The following CADPS variants were observed in gnomAD, a reference collection of about 807,000 sequenced individuals.
CADPS encodes calcium dependent secretion activator.
A neutral mutation model predicts 167.3 loss-of-function variants in CADPS; 57 were observed. The observed-to-expected ratio is 0.34, with a 90% CI of 0.28 to 0.42. CADPS has a LOEUF of 0.42. Ranked by LOEUF, CADPS falls within the 20% of genes least tolerant of loss-of-function variation. The pLI is 1.00. For synonymous variants in CADPS, 676 were observed against 635.3 expected (o/e 1.06, Z -0.96); for missense variants, 1,414 against 1,738.1 (o/e 0.81, Z 3.32).
intron 13 of CADPS, among the ~76,000 whole-genome samples, chr3:62,526,520 C>T (rs2072271222): frequency 6.6e-6 from 1 of 152,096 alleles, no homozygotes; most frequent in Non-Finnish European, 1.5e-5. Context: ...TGTTTGATTG[C>T]CTTGTCACTG....
chr3:62,835,723 C>T (rs965768345), intron 1 of CADPS, among the ~76,000 whole-genome samples: 6 of 152,158 alleles, frequency 3.9e-5, no homozygotes, highest in African/African-American at 1.4e-4. Flanking sequence ...AGACATTCTC[C>T]TGTATACTGT....
intron 1 of CADPS, among the ~76,000 whole-genome samples, chr3:62,816,591 A>ACC: frequency 6.6e-6 from 1 of 151,822 alleles, no homozygotes; most frequent in East Asian, 1.9e-4. Flanking sequence ...ATATCTATGT[A>ACC]TATATTTAAA....
chr3:62,519,990 A>G (rs972990995), intron 13 of CADPS, among the ~76,000 whole-genome samples: 1 of 152,186 alleles, frequency 6.6e-6, no homozygotes, highest in African/African-American at 2.4e-5. Flanking sequence ...ACATTTGTTT[A>G]TGTAATCAGC....
intron 13 of CADPS, among the ~76,000 whole-genome samples, chr3:62,522,628 T>C (rs191635824): frequency 6.6e-6 from 1 of 152,324 alleles, no homozygotes; most frequent in East Asian, 1.9e-4. Context: ...TTGTTACTTA[T>C]ATTGAACTCG....
At position 62,438,007 on chromosome 3, in the gene CADPS, A is replaced by AT; in HGVS notation, c.3777+96dup. 1.3e-6 allele frequency: 1 copy of AT among 777,822 alleles called. No individual in the cohort carries two copies. The allele number at this position is 777,822 out of a possible 1,614,324, so 48.2% of individuals were successfully genotyped here. On this transcript the variant is annotated intron_variant, in intron 28 of 29. Coordinates refer to ENST00000383710, the MANE Select transcript of CADPS (RefSeq NM_003716.4). The surrounding 1 kb of genome is among the most constrained non-coding windows in gnomAD (Gnocchi z 4.7). ...ATTTAGTCTGAATCAGAACCAATCCATTTTCTCAAAATGTGACTTATCCTC... is the reference window on the plus strand; with the variant it reads ...ATTTAGTCTGAATCAGAACCAATCCATTTTTCTCAAAATGTGACTTATCCTC...
chr3:62,477,659 T>G (rs2061496268), intron 23 of CADPS, among the ~76,000 whole-genome samples: 2 of 152,284 alleles, frequency 1.3e-5, no homozygotes, highest in Middle Eastern at 3.4e-3. Context: ...AAAGCCACAG[T>G]GACAAAACAG....
chr3:62,475,086 C>G (rs2061097199), intron 23 of CADPS, among the ~76,000 whole-genome samples: 1 of 152,070 alleles, frequency 6.6e-6, no homozygotes, highest in African/African-American at 2.4e-5. Context: ...GCTTAATATA[C>G]ATATACAAAT....
chr3:62,630,547 G>C (rs1042219314), intron 6 of CADPS, among the ~76,000 whole-genome samples: 1 of 151,946 alleles, frequency 6.6e-6, no homozygotes, highest in Non-Finnish European at 1.5e-5. Flanking sequence ...GGTAGAGATG[G>C]GGTTTCACCA....
At chr3:62,670,961 T>C (rs1172435069) in intron 3 of CADPS, among the ~76,000 whole-genome samples, 2 of 152,312 alleles carry the variant, frequency 1.3e-5, no homozygotes, top group Middle Eastern at 6.8e-3. Flanking sequence ...CCCAGAGCAG[T>C]CATAGCGCAT....
chr3:62,496,393 C>G (rs1330639140), intron 18 of CADPS, among the ~76,000 whole-genome samples: 3 of 152,196 alleles, frequency 2.0e-5, no homozygotes, highest in Non-Finnish European at 4.4e-5. Flanking sequence ...AAGTTGAGAA[C>G]AGGTGGTAGT....
At chr3:62,721,492 G>A (rs1466149999) in intron 3 of CADPS, among the ~76,000 whole-genome samples, 1 of 152,082 alleles carries the variant, frequency 6.6e-6, no homozygotes, top group African/African-American at 2.4e-5. Flanking sequence ...CAGATTTGGA[G>A]ACCACCGTAT....
intron 28 of CADPS, among the ~76,000 whole-genome samples, chr3:62,406,057 G>A (rs981214278): frequency 1.3e-5 from 2 of 152,220 alleles, no homozygotes; most frequent in Non-Finnish European, 2.9e-5. Context: ...AGCTCTCCAA[G>A]ATAGCCACAG....
intron 8 of CADPS, among the ~76,000 whole-genome samples, chr3:62,573,458 T>G (rs750224923): frequency 1.3e-5 from 2 of 152,220 alleles, no homozygotes; most frequent in African/African-American, 4.8e-5. Context: ...GTGCCATGAA[T>G]GCACTTGGGA....
intron 1 of CADPS, among the ~76,000 whole-genome samples, chr3:62,777,854 C>T (rs1408223907): frequency 2.0e-5 from 3 of 152,150 alleles, no homozygotes; most frequent in Admixed American, 6.5e-5. Context: ...CAAGCCTGTC[C>T]TGATATTCAG....
chr3:62,788,516 C>T (rs556376245), intron 1 of CADPS, among the ~76,000 whole-genome samples: 24 of 152,142 alleles, frequency 1.6e-4, no homozygotes, highest in Non-Finnish European at 3.1e-4. Context: ...CGCCTTCAAT[C>T]CATGTGTTTT....
chr3:62,847,323 A>C (rs2077656459), intron 1 of CADPS, among the ~76,000 whole-genome samples: 1 of 127,882 alleles, frequency 7.8e-6, no homozygotes. Flanking sequence ...ACATGTGCAC[A>C]TTGTGCAGGT....
chr3:62,671,966 G>C (rs540944657), intron 3 of CADPS, among the ~76,000 whole-genome samples: 1 of 152,066 alleles, frequency 6.6e-6, no homozygotes, highest in East Asian at 1.9e-4. Context: ...ATTTTTAGTA[G>C]AGACGGGGTT....
chr3:62,842,366 G>T (rs927818900), intron 1 of CADPS, among the ~76,000 whole-genome samples: 2 of 152,178 alleles, frequency 1.3e-5, no homozygotes, highest in Non-Finnish European at 2.9e-5. Context: ...TTGGAATTCA[G>T]GTTGTCAAGT....
At chr3:62,670,520 T>C (rs897493308) in intron 3 of CADPS, among the ~76,000 whole-genome samples, 12 of 152,158 alleles carry the variant, frequency 7.9e-5, no homozygotes, top group Non-Finnish European at 1.3e-4. Flanking sequence ...TACTTCTTGA[T>C]TGCAAAATGC....
Sources: allele counts gnomAD v4.1 joint callset (sites outside exome capture counted in the v4.1 genomes callset), GRCh38; gene constraint gnomAD v4.1.1; non-coding constraint Gnocchi (gnomAD v3.1); transcripts MANE v1.5; gene names NCBI Gene and HGNC (gene_info 2026-07-23, HGNC 2026-07-21).